The following GRIK4 variants were observed in gnomAD, a reference collection of about 807,000 sequenced individuals.
GRIK4 encodes the protein glutamate receptor ionotropic, kainate 4.
GRIK4 carries 40 observed loss-of-function variants against 104.9 expected under a neutral mutation model. That is an observed-to-expected ratio of 0.38 (90% CI 0.30 to 0.50). The LOEUF (loss-of-function observed/expected upper bound fraction) is 0.50. GRIK4 is among the 20% of genes least tolerant of loss of function. GRIK4 has a pLI of 0.93. For synonymous variants in GRIK4, 485 were observed against 524.9 expected, an observed-to-expected ratio of 0.92 and a Z score of 1.04; for missense variants, 1,047 against 1,308.1, an observed-to-expected ratio of 0.80 and a Z score of 3.08.
chr11:120,599,610 C>G (rs1948854554), intron 1 of GRIK4, among the ~76,000 whole-genome samples: 1 of 152,222 alleles, frequency 6.6e-6, no homozygotes, highest in African/African-American at 2.4e-5. Context: ...CCCCTAGCCT[C>G]CCTCTTGTGC....
At chr11:120,785,918 A>G (rs948777445) in intron 3 of GRIK4, among the ~76,000 whole-genome samples, 1 of 152,112 alleles carries the variant, frequency 6.6e-6, no homozygotes, top group African/African-American at 2.4e-5. Context: ...AGCCCATCAC[A>G]CTTCACCTGC....
At chr11:120,851,182 C>T (rs958672686) in intron 8 of GRIK4, among the ~76,000 whole-genome samples, 2 of 152,176 alleles carry the variant, frequency 1.3e-5, no homozygotes, top group Admixed American at 6.5e-5. Flanking sequence ...CTCCCCATTA[C>T]CCTCAGGATA....
chr11:120,689,262 C>T (rs1223865704), intron 3 of GRIK4, among the ~76,000 whole-genome samples: 1 of 152,112 alleles, frequency 6.6e-6, no homozygotes, highest in African/African-American at 2.4e-5. Flanking sequence ...TTCATAACCT[C>T]TTGCCTGGCA....
intron 11 of GRIK4, 65 bp from the exon 12 acceptor site, chr11:120,898,467 C>A: frequency 1.1e-6 from 1 of 911,914 alleles, no homozygotes; most frequent in East Asian, 2.5e-5. Context: ...AGAGGTCAGC[C>A]TCTTGGCTCC....
intron 3 of GRIK4, among the ~76,000 whole-genome samples, chr11:120,783,640 G>A (rs958546591): frequency 2.6e-5 from 4 of 152,134 alleles, no homozygotes; most frequent in Admixed American, 6.5e-5. Context: ...ATATGGCATC[G>A]GAATAGGACT....
At chr11:120,816,438 C>T (rs1952961197) in intron 5 of GRIK4, among the ~76,000 whole-genome samples, 2 of 152,174 alleles carry the variant, frequency 1.3e-5, no homozygotes, top group South Asian at 4.1e-4. Flanking sequence ...GAGGAAGGCT[C>T]AGTCTCGCTT....
chr11:120,523,754 C>T (rs1947824424), intron 1 of GRIK4, among the ~76,000 whole-genome samples: 1 of 151,388 alleles, frequency 6.6e-6, no homozygotes. Context: ...AAGGAACTTC[C>T]AGCTCCCAGC....
chr11:120,881,478 C>G (rs188152296), intron 11 of GRIK4, among the ~76,000 whole-genome samples: 249 of 152,318 alleles, frequency 1.6e-3, no homozygotes, highest in African/African-American at 5.3e-3. Flanking sequence ...TGTGAGCTGA[C>G]AGCCAGACTT....
At chr11:120,521,709 T>C (rs1428823424) in intron 1 of GRIK4, among the ~76,000 whole-genome samples, 1 of 152,156 alleles carries the variant, frequency 6.6e-6, no homozygotes, top group African/African-American at 2.4e-5. Context: ...AAGCAGCACT[T>C]GTCAGGTAAT....
intron 2 of GRIK4, among the ~76,000 whole-genome samples, 177 bp downstream of exon 2, chr11:120,653,969 G>T (rs1241997255): frequency 6.6e-6 from 1 of 152,166 alleles, no homozygotes; most frequent in Admixed American, 6.5e-5. Flanking sequence ...GTTGGGTGTC[G>T]AGAACAGGGT....
chr11:120,698,469 T>C (rs1340767666), intron 3 of GRIK4, among the ~76,000 whole-genome samples: 1 of 152,242 alleles, frequency 6.6e-6, no homozygotes, highest in Non-Finnish European at 1.5e-5. Flanking sequence ...CACAGAACTA[T>C]GGCTGCCCCT....
chr11:120,954,828 C>CAA (rs1201700426), intron 15 of GRIK4, among the ~76,000 whole-genome samples: 1 of 44,808 alleles, frequency 2.2e-5, no homozygotes, highest in Non-Finnish European at 4.1e-5. Context: ...CACACACACA[C>CAA]ACAAACAATA....
chr11:120,940,034 C>A lies in GRIK4; in HGVS notation c.1477-313C>A, dbSNP rs1474701086. Among the ~76,000 whole-genome samples the A allele has an allele frequency of 6.6e-6, 1 of 152,062 alleles. No homozygotes were observed. Among genetic ancestry groups the A allele is most frequent in the Non-Finnish European group, 1.5e-5 (1 of 68,024 alleles). On this transcript the variant is annotated intron_variant, in intron 13 of 20. Coordinates refer to ENST00000527524, the MANE Select transcript of GRIK4 (RefSeq NM_014619.5). The surrounding 1 kb of genome is among the most constrained non-coding windows in gnomAD (Gnocchi z 4.3). ...CAGGAGCCCAATCTGCCAATTTCCT[C>A]CTCCCAAGCCCCTACCCTAGGACAC...
At chr11:120,511,983 A>T (rs1349955523) in intron 1 of GRIK4, 96 bp downstream of exon 1, 1 of 113,312 alleles carries the variant, frequency 8.8e-6, no homozygotes, top group Non-Finnish European at 1.8e-5. Context: ...CCGCACCCCG[A>T]CTTCTGACGT....
At position 120,962,870 on chromosome 11, in the gene GRIK4, C is replaced by T. The variant is rs139862964; in HGVS notation, c.2266+189C>T. 3.3e-3 allele frequency: 1,727 copies of T among 517,906 alleles called. 6 individuals are homozygous for T. Among genetic ancestry groups the T allele is most frequent in the African/African-American group, 0.01 (524 of 51,710 alleles). 32.1% of individuals were successfully genotyped at this position (517,906 alleles called of 1,614,324 possible). On this transcript the variant is annotated intron_variant, in intron 18 of 20. Coordinates refer to ENST00000527524, the MANE Select transcript of GRIK4 (RefSeq NM_014619.5). ...AAACACACATATTTCCTTTAATCAACGACCAGTGCTCAATCCTTAATTATT... is the reference window on the plus strand; with the variant it reads ...AAACACACATATTTCCTTTAATCAATGACCAGTGCTCAATCCTTAATTATT...
intron 11 of GRIK4, among the ~76,000 whole-genome samples, chr11:120,891,734 A>G (rs1955303251): frequency 6.6e-6 from 1 of 152,212 alleles, no homozygotes; most frequent in Non-Finnish European, 1.5e-5. Context: ...CAATGGTCAC[A>G]TCGATGAATG....
At chr11:120,680,949 TAGA>T in intron 3 of GRIK4, among the ~76,000 whole-genome samples, 1 of 152,254 alleles carries the variant, frequency 6.6e-6, no homozygotes, top group South Asian at 2.1e-4. Context: ...CACTGACCTT[TAGA>T]AGGAGGACTG....
In GRIK4 at chr11:120,798,157, C is replaced by CTTTT. The variant is rs539833846; in HGVS notation, c.83-4514_83-4511dup. ...AAAAAGAGAGTGAGCTCTGCTGTCTCTTTTTTTTTTTTTTTTTTTTTTTTT... is the reference window on the plus strand; with the variant it reads ...AAAAAGAGAGTGAGCTCTGCTGTCTCTTTTTTTTTTTTTTTTTTTTTTTTTTTTT... On this transcript the variant is annotated intron_variant, in intron 3 of 20. Coordinates refer to ENST00000527524, the MANE Select transcript of GRIK4 (RefSeq NM_014619.5). Among the ~76,000 whole-genome samples the CTTTT allele has an allele frequency of 3.8e-3, 261 of 68,056 alleles. 10 individuals carry two copies. Among genetic ancestry groups the CTTTT allele is most frequent in the Middle Eastern group, 0.014 (1 of 70 alleles). 44.6% of individuals were successfully genotyped at this position (68,056 alleles called of 152,430 possible).
intron 13 of GRIK4, among the ~76,000 whole-genome samples, chr11:120,927,987 C>T (rs1320082763): frequency 6.6e-6 from 1 of 151,976 alleles, no homozygotes; most frequent in Admixed American, 6.6e-5. Flanking sequence ...CCGAGGCAGG[C>T]GGATCACCTG....
Sources: allele counts gnomAD v4.1 joint callset (sites outside exome capture counted in the v4.1 genomes callset), GRCh38; gene constraint gnomAD v4.1.1; non-coding constraint Gnocchi (gnomAD v3.1); transcripts MANE v1.5; gene names NCBI Gene and HGNC (gene_info 2026-07-23, HGNC 2026-07-21).